Variants in TAS2R40 observed in about 807,000 individuals in gnomAD.
TAS2R40 encodes taste 2 receptor member 40.
A neutral mutation model predicts 16.5 loss-of-function variants in TAS2R40; 14 were observed. The ratio of observed to expected loss-of-function variants is 0.85; its 90% CI spans 0.56 to 1.32. TAS2R40 has a LOEUF of 1.32. TAS2R40 is among the 40% of genes most tolerant of loss of function. The pLI is 0.00. For synonymous variants in TAS2R40, 152 were observed against 150.2 expected (o/e 1.01, Z -0.09); for missense variants, 350 against 385.9 (o/e 0.91, Z 0.78).
Position 143,222,086 on chromosome 7 carries a change from C to A in TAS2R40, c.8C>A (p.Thr3Lys). The change falls in exon 1 of 1, where the codon ACG (threonine) becomes AAG (lysine). Residue 3 changes from threonine (T) to lysine (K), a missense_variant. Thr to Lys is a moderately conservative substitution (Grantham distance 78). Transcript: ENST00000408947. ...AAGTCAGGATCAAAGAGAATGGCAA[C>A]GGTGAACACAGATGCCACAGATAAA... MATVNTDATDKDI... is the reference protein window; with the variant it reads MAKVNTDATDKDI... 1.2e-6 allele frequency: 2 copies of A among 1,607,608 alleles called. No individual in the cohort carries two copies. Among genetic ancestry groups the A allele is most frequent in the Non-Finnish European group, 1.7e-6 (2 of 1,175,710 alleles).
chr7:143,222,661 G>A lies in TAS2R40; in HGVS notation c.583G>A (p.Val195Ile), dbSNP rs1442716569. The A allele has an allele frequency of 6.2e-7, 1 of 1,614,054 alleles. No individual in the cohort carries two copies. The highest frequency in any genetic ancestry group is 8.5e-7 in the Non-Finnish European group (1 of 1,180,000). Residue 195 changes from valine to isoleucine, a missense_variant, in exon 1 of 1, where the codon GTA (valine) becomes ATA (isoleucine). Physicochemically the swap from Val to Ile is conservative, Grantham distance 29. Transcript: ENST00000408947. ...YFSETNMVNL[V>I]FFYNMGIFVP... ...CTCTGAGACCAATATGGTCAACCTG[G>A]TATTTTTCTATAACATGGGGATCTT...
In TAS2R40 at chr7:143,222,534, T is replaced by C. The variant is rs1212334349; in HGVS notation, c.456T>C (p.Val152=). ...MPWLLRLSVL[V]SLSFSFPLSR... ...GGCTTCTCAGGCTGTCAGTGTTGGT[T>C]TCCTTAAGCTTCAGCTTTCCTCTCT... is the stretch of plus-strand genomic sequence containing the variant. The change falls in exon 1 of 1, where the codon GTT becomes GTC. Residue 152 remains valine (V), a synonymous_variant. Transcript: ENST00000408947. 36 of 1,614,028 alleles carry C rather than the reference T, an allele frequency of 2.2e-5. No individual in the cohort carries two copies. The highest frequency in any genetic ancestry group is 2.7e-5 in the African/African-American group (2 of 74,894).
Position 143,222,728 on chromosome 7 carries a change from T to G in TAS2R40, c.650T>G (p.Ile217Ser). The G allele has an allele frequency of 6.2e-7, 1 of 1,614,076 alleles. No individual in the cohort carries two copies. The highest frequency in any genetic ancestry group is 8.5e-7 in the Non-Finnish European group (1 of 1,180,014). ...IMFILAATLL[I>S]LSLKRHTLHM... ...TTCATCCTGGCAGCCACCCTGCTGA[T>G]CCTCTCTCTCAAGAGACACACCCTA... Residue 217 changes from isoleucine to serine, a missense_variant, in exon 1 of 1, where the codon ATC (isoleucine) becomes AGC (serine). Transcript: ENST00000408947.
chr7:143,222,434 A>G lies in TAS2R40; in HGVS notation c.356A>G (p.Tyr119Cys). The change falls in exon 1 of 1, where the codon TAT becomes TGT. Residue 119 changes from tyrosine to cysteine, a missense_variant. By Grantham distance (194) the Tyr-to-Cys change is radical (BLOSUM62 -2). Coordinates refer to ENST00000408947, the MANE Select transcript of TAS2R40 (RefSeq NM_176882.2). ...LWFAAWLKVF[Y>C]CLRIANFNHP... ...TTTGCTGCCTGGCTCAAAGTCTTCT[A>G]TTGTCTTAGAATTGCAAACTTCAAT... 6.2e-7 allele frequency: 1 copy of G among 1,614,140 alleles called. No homozygotes were observed. The highest frequency in any genetic ancestry group is 8.5e-7 in the Non-Finnish European group (1 of 1,180,024).
In TAS2R40 at chr7:143,222,261, G is replaced by A; in HGVS notation, c.183G>A (p.Leu61=). Reference sequence around the variant, plus strand: ...TCCCCACTGGTGACCGCATTATGTTGATGCTGAGCTTTTCCAGGCTCTTGC... The same window carrying A: ...TCCCCACTGGTGACCGCATTATGTTAATGCTGAGCTTTTCCAGGCTCTTGC... ...KTLPTGDRIM[L]MLSFSRLLLQ... is the part of the protein sequence containing the mutation. The change falls in exon 1 of 1, where the codon TTG becomes TTA. Residue 61 remains leucine (L), a synonymous_variant. Coordinates refer to ENST00000408947, the MANE Select transcript of TAS2R40 (RefSeq NM_176882.2). 6.2e-7 allele frequency: 1 copy of A among 1,614,196 alleles called. No individual in the cohort carries two copies. The highest frequency in any genetic ancestry group is 8.5e-7 in the Non-Finnish European group (1 of 1,180,028).
Position 143,222,752 on chromosome 7 carries a change from TAC to T in TAS2R40, c.678_679del (p.Met227GlyfsTer45). ...ATCCTCTCTCTCAAGAGACACACCC[TAC>T]ACATGGGAAGCAATGCCACAGGGTC... On this transcript the variant is annotated frameshift_variant, in exon 1 of 1. Coordinates refer to ENST00000408947, the MANE Select transcript of TAS2R40 (RefSeq NM_176882.2). LOFTEE classifies it high-confidence loss of function. 1 of 1,614,120 alleles carries T rather than the reference TAC, an allele frequency of 6.2e-7. No individual in the cohort carries two copies. Among genetic ancestry groups the T allele is most frequent in the Non-Finnish European group, 8.5e-7 (1 of 1,180,016 alleles).
rs763699274 is a variant in TAS2R40 at position 143,222,976 on chromosome 7, A to G, written c.898A>G (p.Asn300Asp). The change falls in exon 1 of 1, where the codon AAC becomes GAC. Residue 300 changes from asparagine to aspartate, a missense_variant. Coordinates refer to ENST00000408947, the MANE Select transcript of TAS2R40 (RefSeq NM_176882.2). ...AGHSVQLILGNPGLRRAWKRF... is the reference protein window; with the variant it reads ...AGHSVQLILGDPGLRRAWKRF... ...CCACTCAGTACAACTGATCTTGGGC[A>G]ACCCTGGGCTGAGAAGAGCCTGGAA... is the stretch of plus-strand genomic sequence containing the variant. 2.5e-6 allele frequency: 4 copies of G among 1,614,048 alleles called. No homozygotes were observed. In the African/African-American group the frequency reaches 4.0e-5, roughly 16 times the overall value.
chr7:143,222,187 GGCTTCATCAC>G lies in TAS2R40; in HGVS notation c.111_120del (p.Phe38ProfsTer21). 6.2e-7 allele frequency: 1 copy of G among 1,614,122 alleles called. No individual in the cohort carries two copies. Among genetic ancestry groups the G allele is most frequent in the Non-Finnish European group, 8.5e-7 (1 of 1,180,012 alleles). ...GTGCATCACTGGCATCCTTGGGAGTGGCTTCATCACGGCCATCTATGGGGCTGAGTGGGCC... is the reference window on the plus strand; with the variant it reads ...GTGCATCACTGGCATCCTTGGGAGTGGGCCATCTATGGGGCTGAGTGGGCC... On this transcript the variant is annotated frameshift_variant, in exon 1 of 1. Transcript: ENST00000408947. LOFTEE classifies it high-confidence loss of function.
rs747633325 is a variant in TAS2R40, at chr7:143,222,770, C to T, written c.692C>T (p.Ala231Val). 6.2e-6 allele frequency: 10 copies of T among 1,614,180 alleles called. No homozygotes were observed. In the Middle Eastern group the frequency reaches 4.9e-4, roughly 80 times the overall value. ...KRHTLHMGSNATGSRDPSMKA... is the reference protein window; with the variant it reads ...KRHTLHMGSNVTGSRDPSMKA... ...CACACCCTACACATGGGAAGCAATG[C>T]CACAGGGTCCAGGGACCCCAGCATG... The change falls in exon 1 of 1, where the codon GCC (alanine) becomes GTC (valine). Residue 231 changes from alanine to valine, a missense_variant. By Grantham distance (64) the Ala-to-Val change is moderately conservative. Coordinates refer to ENST00000408947, the MANE Select transcript of TAS2R40 (RefSeq NM_176882.2).
Position 143,222,426 on chromosome 7 carries a change from A to T in TAS2R40, c.348A>T (p.Lys116Asn). 2 of 1,614,182 alleles carry T rather than the reference A, an allele frequency of 1.2e-6. No individual in the cohort carries two copies. The highest frequency in any genetic ancestry group is 2.2e-5 in the East Asian group (1 of 44,880). Residue 116 changes from lysine to asparagine, a missense_variant, in exon 1 of 1, where the codon AAA becomes AAT. By Grantham distance (94) the Lys-to-Asn change is moderately conservative. Transcript: ENST00000408947. The stretch of plus-strand genomic sequence containing the variant: ...ATCTCTGGTTTGCTGCCTGGCTCAA[A>T]GTCTTCTATTGTCTTAGAATTGCAA... ...HSNLWFAAWLKVFYCLRIANF... is the reference protein window; with the variant it reads ...HSNLWFAAWLNVFYCLRIANF...
chr7:143,222,046 G>A lies in TAS2R40; in HGVS notation c.-33G>A. 6.3e-7 allele frequency: 1 copy of A among 1,576,052 alleles called. No individual in the cohort carries two copies. The highest frequency in any genetic ancestry group is 8.6e-7 in the Non-Finnish European group (1 of 1,159,034). On this transcript the variant is annotated 5_prime_UTR_variant, in exon 1 of 1. Transcript: ENST00000408947. ...GATTGCAGAGCAGTTACCCATTCTT[G>A]GCGCAGAAACCTGAAAGTCAGGATC...
rs565742335 is a variant in TAS2R40 at position 143,222,622 on chromosome 7, GAGA to G, written c.550_552del (p.Lys184del). ...TCCTATCCCCTCCTCCAACTCCACG[GAGA>G]AGAAGTACTTCTCTGAGACCAATAT... On this transcript the variant is annotated inframe_deletion, in exon 1 of 1. Coordinates refer to ENST00000408947, the MANE Select transcript of TAS2R40 (RefSeq NM_176882.2). 4.7e-4 allele frequency: 761 copies of G among 1,614,004 alleles called. 5 individuals are homozygous for G. The African/African-American group carries it at 8.7e-3, about 18-fold the overall frequency.
chr7:143,222,695 T>C lies in TAS2R40; in HGVS notation c.617T>C (p.Leu206Pro), dbSNP rs937834298. The part of the protein sequence containing the change: ...FFYNMGIFVP[L>P]IMFILAATLL... ...TATAACATGGGGATCTTCGTTCCTC[T>C]GATCATGTTCATCCTGGCAGCCACC... The change falls in exon 1 of 1, where the codon CTG becomes CCG. Residue 206 changes from leucine (L) to proline (P), a missense_variant. By Grantham distance (98) the Leu-to-Pro change is moderately conservative (BLOSUM62 -3). Transcript: ENST00000408947. 1 of 1,614,162 alleles carries C rather than the reference T, an allele frequency of 6.2e-7. No individual in the cohort carries two copies. The highest frequency in any genetic ancestry group is 8.5e-7 in the Non-Finnish European group (1 of 1,180,030).
rs749306011 is a variant in TAS2R40, at chr7:143,222,344, A to G, written c.266A>G (p.Asn89Ser). The change falls in exon 1 of 1, where the codon AAC (asparagine) becomes AGC (serine). Residue 89 changes from asparagine to serine, a missense_variant. Coordinates refer to ENST00000408947, the MANE Select transcript of TAS2R40 (RefSeq NM_176882.2). ...IFSLLFRIVY[N>S]QNSVYILFKV... ...AGTCTGCTATTCCGAATTGTTTATA[A>G]CCAAAACTCAGTGTATATCCTCTTC... 1 of 1,614,150 alleles carries G rather than the reference A, an allele frequency of 6.2e-7. No homozygotes were observed. Among genetic ancestry groups the G allele is most frequent in the South Asian group, 1.1e-5 (1 of 91,074 alleles).
rs1441989770 is a variant in TAS2R40 at position 143,223,012 on chromosome 7, CA to C, written c.935del (p.His312ProfsTer7). 6.2e-7 allele frequency: 1 copy of C among 1,612,388 alleles called. No homozygotes were observed. The highest frequency in any genetic ancestry group is 1.1e-5 in the South Asian group (1 of 90,924). On this transcript the variant is annotated frameshift_variant, in exon 1 of 1. Coordinates refer to ENST00000408947, the MANE Select transcript of TAS2R40 (RefSeq NM_176882.2). LOFTEE classifies it high-confidence loss of function. The part of the protein sequence containing the change: ...GLRRAWKRFQ[H>X]QVPLYLKGQT... ...GAGAAGAGCCTGGAAGCGGTTTCAG[CA>C]CCAAGTTCCTCTTTACCTAAAAGGG...
rs1196689482 is a variant in TAS2R40, at chr7:143,222,399, C to T, written c.321C>T (p.Ser107=). The T allele has an allele frequency of 1.2e-6, 2 of 1,614,194 alleles. No homozygotes were observed. The highest frequency in any genetic ancestry group is 1.7e-6 in the Non-Finnish European group (2 of 1,180,036). ...FKVITVFLNH[S]NLWFAAWLKV... is the part of the protein sequence containing the mutation. ...TCATCACTGTCTTTCTGAACCATTC[C>T]AATCTCTGGTTTGCTGCCTGGCTCA... The change falls in exon 1 of 1, where the codon TCC becomes TCT. Residue 107 remains serine, a synonymous_variant. Coordinates refer to ENST00000408947, the MANE Select transcript of TAS2R40 (RefSeq NM_176882.2).
chr7:143,222,207 T>C lies in TAS2R40; in HGVS notation c.129T>C (p.Tyr43=). Residue 43 remains tyrosine, a synonymous_variant, in exon 1 of 1, where the codon TAT becomes TAC. Coordinates refer to ENST00000408947, the MANE Select transcript of TAS2R40 (RefSeq NM_176882.2). ...ILGSGFITAI[Y]GAEWARGKTL... is the part of the protein sequence containing the mutation. ...GGAGTGGCTTCATCACGGCCATCTA[T>C]GGGGCTGAGTGGGCCAGGGGCAAAA... The C allele has an allele frequency of 3.1e-6, 5 of 1,614,200 alleles. No homozygotes were observed. Among genetic ancestry groups the C allele is most frequent in the African/African-American group, 1.3e-5 (1 of 75,058 alleles).
chr7:143,222,191 T>C lies in TAS2R40; in HGVS notation c.113T>C (p.Phe38Ser), dbSNP rs776206084. The stretch of plus-strand genomic sequence containing the variant: ...ATCACTGGCATCCTTGGGAGTGGCT[T>C]CATCACGGCCATCTATGGGGCTGAG... ...ECITGILGSG[F>S]ITAIYGAEWA... Residue 38 changes from phenylalanine to serine, a missense_variant, in exon 1 of 1, where the codon TTC (phenylalanine) becomes TCC (serine). By Grantham distance (155) the Phe-to-Ser change is radical. Coordinates refer to ENST00000408947, the MANE Select transcript of TAS2R40 (RefSeq NM_176882.2). 1.8e-5 allele frequency: 29 copies of C among 1,614,026 alleles called. No homozygotes were observed. Among genetic ancestry groups the C allele is most frequent in the Non-Finnish European group, 2.2e-5 (26 of 1,180,030 alleles).
In TAS2R40 at chr7:143,222,638, C is replaced by A. The variant is rs10260248; in HGVS notation, c.560C>A (p.Ser187Tyr). 105,183 of 1,614,064 alleles carry A rather than the reference C, an allele frequency of 0.065. 3,929 individuals are homozygous for A. The highest frequency in any genetic ancestry group is 0.15 in the African/African-American group (10,900 of 75,006). ...SSNSTEKKYF[S>Y]ETNMVNLVFF... ...AACTCCACGGAGAAGAAGTACTTCT[C>A]TGAGACCAATATGGTCAACCTGGTA... The change falls in exon 1 of 1, where the codon TCT becomes TAT. Residue 187 changes from serine (S) to tyrosine (Y), a missense_variant. Physicochemically the swap from Ser to Tyr is moderately radical, Grantham distance 144. Transcript: ENST00000408947.
Sources: allele counts gnomAD v4.1 joint callset, GRCh38; gene constraint gnomAD v4.1.1; transcripts MANE v1.5; gene names NCBI Gene and HGNC (gene_info 2026-07-23, HGNC 2026-07-21).